Variants in AP3D1 observed in about 807,000 individuals in gnomAD.
AP3D1 encodes AP-3 complex subunit delta-1.
In AP3D1, 51 loss-of-function variants were observed where a neutral mutation model predicts 147.6. The ratio of observed to expected loss-of-function variants is 0.35; its 90% CI spans 0.28 to 0.44. AP3D1 has a LOEUF of 0.44. Ranked by LOEUF, AP3D1 falls within the 20% of genes least tolerant of loss-of-function variation. AP3D1 has a pLI of 1.00. For synonymous variants in AP3D1, 760 were observed against 663.0 expected, an observed-to-expected ratio of 1.15 and a Z score of -2.25; for missense variants, 1,421 against 1,624.2, an observed-to-expected ratio of 0.87 and a Z score of 2.15.
At chr19:2,131,792 C>T (rs1325925528) in intron 5 of AP3D1, among the ~76,000 whole-genome samples, 5 of 135,582 alleles carry the variant, frequency 3.7e-5, no homozygotes, top group Non-Finnish European at 6.2e-5. Context: ...ACGGGGACCG[C>T]GCCCATCGGC....
chr19:2,163,744 G>A (rs1225790015), intron 1 of AP3D1, among the ~76,000 whole-genome samples: 5 of 151,800 alleles, frequency 3.3e-5, no homozygotes, highest in African/African-American at 9.7e-5. Context: ...GGTCGGCCGA[G>A]GGCAACCGAG....
At chr19:2,117,410 G>A (rs368320557) in intron 15 of AP3D1, 43 bp from the exon 16 acceptor site, 14 of 1,519,262 alleles carry the variant, frequency 9.2e-6, no homozygotes, top group Non-Finnish European at 1.2e-5. Flanking sequence ...TGCCCGGAAG[G>A]CCACTCGGCC....
At chr19:2,158,583 C>T (rs191122523) in intron 1 of AP3D1, among the ~76,000 whole-genome samples, 1 of 151,922 alleles carries the variant, frequency 6.6e-6, no homozygotes, top group East Asian at 1.9e-4. Flanking sequence ...GCTAGGATTA[C>T]AAGCCTGAGC....
intron 31 of AP3D1, among the ~76,000 whole-genome samples, chr19:2,106,052 C>T (rs1209348941): frequency 6.6e-6 from 1 of 151,740 alleles, no homozygotes; most frequent in African/African-American, 2.4e-5. Context: ...GAGATCGCAC[C>T]ACTGCACTCC....
chr19:2,133,205 C>CAAA (rs2018994984), intron 4 of AP3D1, among the ~76,000 whole-genome samples: 3 of 152,140 alleles, frequency 2.0e-5, no homozygotes, highest in Non-Finnish European at 4.4e-5. Context: ...GGTCCCTTTC[C>CAAA]GCAACAACTG....
At chr19:2,127,028 T>C in intron 9 of AP3D1, 124 bp downstream of exon 9, 3 of 1,062,888 alleles carry the variant, frequency 2.8e-6, no homozygotes, top group Non-Finnish European at 4.2e-6. Flanking sequence ...ACCAGCCAGC[T>C]TTCCTTCTCA....
chr19:2,139,316 C>A (rs544267168), intron 1 of AP3D1, among the ~76,000 whole-genome samples: 1 of 152,094 alleles, frequency 6.6e-6, no homozygotes, highest in Non-Finnish European at 1.5e-5. Context: ...CCTTGGTGGA[C>A]GAACATGTGG....
intron 31 of AP3D1, among the ~76,000 whole-genome samples, chr19:2,105,934 A>C (rs1426211811): frequency 6.6e-6 from 1 of 152,102 alleles, no homozygotes; most frequent in African/African-American, 2.4e-5. Flanking sequence ...GTCTCTACTA[A>C]AGAGACAAAA....
chr19:2,112,195 G>A (rs1321958430), intron 24 of AP3D1: 2 of 265,210 alleles, frequency 7.5e-6, no homozygotes, highest in East Asian at 1.8e-4. Context: ...GTTCAAAGCG[G>A]CATACTGTGT....
chr19:2,119,755 G>A (rs144239203), intron 14 of AP3D1, among the ~76,000 whole-genome samples: 6,319 of 147,064 alleles, frequency 0.043, 246 homozygotes, highest in East Asian at 0.21. Context: ...CCAACATGGT[G>A]AAACCCCATC....
chr19:2,104,904 G>A (rs2018068523), intron 31 of AP3D1, among the ~76,000 whole-genome samples: 1 of 151,866 alleles, frequency 6.6e-6, no homozygotes, highest in Non-Finnish European at 1.5e-5. Context: ...TGACCTCCAG[G>A]GCTCAAGCGA....
At chr19:2,118,021 G>T (rs1412445742) in intron 15 of AP3D1, among the ~76,000 whole-genome samples, 1 of 152,166 alleles carries the variant, frequency 6.6e-6, no homozygotes, top group Non-Finnish European at 1.5e-5. Flanking sequence ...TTAGCCGGGC[G>T]TGGTGGCGGG....
intron 1 of AP3D1, among the ~76,000 whole-genome samples, chr19:2,143,230 ATTTTTTTTTTT>A (rs776434810): frequency 8.1e-5 from 6 of 74,342 alleles, no homozygotes; most frequent in South Asian, 4.5e-4. Context: ...TGCCTGCCTA[ATTTTTTTTTTT>A]TTTTTTTTTT....
At chr19:2,123,577 G>A (rs1599464477) in intron 10 of AP3D1, among the ~76,000 whole-genome samples, 171 bp from the exon 11 acceptor site, 1 of 152,174 alleles carries the variant, frequency 6.6e-6, no homozygotes, top group East Asian at 1.9e-4. Context: ...CTGGAGACAA[G>A]GGAGGCCCTG....
chr19:2,119,468 C>T (rs1205146481), intron 14 of AP3D1, among the ~76,000 whole-genome samples: 2 of 151,774 alleles, frequency 1.3e-5, no homozygotes, highest in African/African-American at 4.8e-5. Flanking sequence ...CCGAGGCGGG[C>T]GGATCATGAG....
chr19:2,115,572 C>T lies in AP3D1; in HGVS notation c.2115G>A (p.Val705=). 1.9e-6 allele frequency: 3 copies of T among 1,613,284 alleles called. No homozygotes were observed. The highest frequency in any genetic ancestry group is 1.7e-6 in the Non-Finnish European group (2 of 1,179,894). Residue 705 remains valine (V), a synonymous_variant, in exon 19 of 32, where the codon GTG becomes GTA. Coordinates refer to ENST00000643116, the MANE Select transcript of AP3D1 (RefSeq NM_001261826.3). ...DTPGVEHIPV[V]QIDLSVPLKV... ...TCAAGGGGACGGAGAGGTCAATCTG[C>T]ACCACGGGAATGTGCTCCACGCCCG...
intron 20 of AP3D1, 148 bp downstream of exon 20, chr19:2,115,071 G>T: frequency 1.1e-6 from 1 of 896,034 alleles, no homozygotes; most frequent in Non-Finnish European, 1.7e-6. Context: ...CTCGAGGACA[G>T]AGAGGCCTCT....
At position 2,115,228 on chromosome 19, in the gene AP3D1, C is replaced by T. The variant is rs1388865914; in HGVS notation, c.2340G>A (p.Glu780=). The part of the protein sequence containing the change: ...PAQQVDIVTE[E]MPENALPSDE... ...CTCCAGCGAGGCTGACCTCAGGCAT[C>T]TCCTCTGTGACGATGTCCACCTGCT... Residue 780 remains glutamate, a synonymous_variant, in exon 20 of 32, where the codon GAG becomes GAA. Transcript: ENST00000643116. The T allele has an allele frequency of 1.2e-6, 2 of 1,613,010 alleles. No individual in the cohort carries two copies. Among genetic ancestry groups the T allele is most frequent in the Non-Finnish European group, 1.7e-6 (2 of 1,179,692 alleles).
rs541049995 is a variant in AP3D1 at position 2,150,988 on chromosome 19, G to A, written c.96+251C>T. ...ATTTTGAACAGCGCTTCCCCCAGGT[G>A]ATCCGATGAGGCGAGGATCCGAGAT... is the stretch of plus-strand genomic sequence containing the variant. On this transcript the variant is annotated intron_variant, in intron 1 of 31. Transcript: ENST00000643116. Among the ~76,000 whole-genome samples, 9 of 152,386 alleles carry A rather than the reference G, an allele frequency of 5.9e-5. No individual in the cohort carries two copies. The South Asian group carries it at 1.7e-3, about 28-fold the overall frequency.
Sources: allele counts gnomAD v4.1 joint callset (sites outside exome capture counted in the v4.1 genomes callset), GRCh38; gene constraint gnomAD v4.1.1; transcripts MANE v1.5; gene names NCBI Gene and HGNC (gene_info 2026-07-23, HGNC 2026-07-21).